Variants in ZNF613 observed in about 807,000 individuals in gnomAD.
The protein encoded by ZNF613 is zinc finger protein 613.
In ZNF613, 8 loss-of-function variants were observed where a neutral mutation model predicts 14.3. The ratio of observed to expected loss-of-function variants is 0.56; its 90% CI spans 0.33 to 1.01. The LOEUF is 1.01. ZNF613 is among the 50% of genes least tolerant of loss of function. The pLI is 0.03. For missense variants in ZNF613, 656 were observed against 741.9 expected (o/e 0.88, Z 1.35); for synonymous variants, 228 against 254.5 (o/e 0.90, Z 0.99).
In ZNF613 at chr19:51,944,896, A is replaced by G; in HGVS notation, c.1013A>G (p.His338Arg). 6.2e-7 allele frequency: 1 copy of G among 1,613,888 alleles called. No individual in the cohort carries two copies. The highest frequency in any genetic ancestry group is 8.5e-7 in the Non-Finnish European group (1 of 1,179,982). The change falls in exon 6 of 6, where the codon CAT (histidine) becomes CGT (arginine). Residue 338 changes from histidine to arginine, a missense_variant. Transcript: ENST00000293471. ...AGGCTCACTGAACACCAGAGAACTC[A>G]TACAGGAGAGAAACCCTATGAATGC... Reference protein sequence around the residue: ...RSRLTEHQRTHTGEKPYECTE... With the variant: ...RSRLTEHQRTRTGEKPYECTE...
intron 1 of ZNF613, chr19:51,928,088 A>G (rs1382638060): frequency 2.6e-5 from 4 of 151,586 alleles, no homozygotes; most frequent in Non-Finnish European, 5.9e-5. Flanking sequence ...TAATTTATCT[A>G]TCTAATCTAT....
Position 51,945,068 on chromosome 19 carries a change from T to A in ZNF613, c.1185T>A (p.Thr395=). 5 of 1,614,016 alleles carry A rather than the reference T, an allele frequency of 3.1e-6. No homozygotes were observed. Among genetic ancestry groups the A allele is most frequent in the Non-Finnish European group, 3.4e-6 (4 of 1,179,976 alleles). Residue 395 remains threonine, a synonymous_variant, in exon 6 of 6, where the codon ACT becomes ACA. Transcript: ENST00000293471. ...GNLIVHQRIH[T]GEKPYICNEC... Reference sequence around the variant, plus strand: ...TCATTGTACATCAGCGAATTCATACTGGAGAAAAACCCTATATATGCAATG... The same window carrying A: ...TCATTGTACATCAGCGAATTCATACAGGAGAAAAACCCTATATATGCAATG...
Position 51,944,866 on chromosome 19 carries a change from G to C in ZNF613, c.983G>C (p.Arg328Thr), listed in dbSNP as rs777209353. The C allele has an allele frequency of 1.3e-6, 2 of 1,593,924 alleles. No homozygotes were observed. The highest frequency in any genetic ancestry group is 1.1e-5 in the South Asian group (1 of 90,124). The change falls in exon 6 of 6, where the codon AGG (arginine) becomes ACG (threonine). Residue 328 changes from arginine to threonine, a missense_variant. Transcript: ENST00000293471. ...CSLCGKAFSK[R>T]SRLTEHQRTH... Reference sequence around the variant, plus strand: ...CTGTGTGGGAAGGCCTTCTCCAAAAGGTCCAGGCTCACTGAACACCAGAGA... The same window carrying C: ...CTGTGTGGGAAGGCCTTCTCCAAAACGTCCAGGCTCACTGAACACCAGAGA...
At chr19:51,937,298 G>A (rs749848169) in intron 3 of ZNF613, among the ~76,000 whole-genome samples, 1 of 152,218 alleles carries the variant, frequency 6.6e-6, no homozygotes, top group Non-Finnish European at 1.5e-5. Context: ...TGTCTGAAGT[G>A]AGGTTGGTCT....
At chr19:51,941,410 T>A (rs1382350566) in intron 5 of ZNF613, among the ~76,000 whole-genome samples, 1 of 152,212 alleles carries the variant, frequency 6.6e-6, no homozygotes, top group Non-Finnish European at 1.5e-5. Context: ...GTCTTGGATA[T>A]CAGCACTCTC....
Position 51,944,195 on chromosome 19 carries a change from TA to T in ZNF613, c.315del (p.Lys105AsnfsTer18). On this transcript the variant is annotated frameshift_variant, in exon 6 of 6. Transcript: ENST00000293471. LOFTEE classifies it low-confidence loss of function (END_TRUNC). Reference sequence around the variant, plus strand: ...GTCTGAAGAGAGTGGAACAATGCCATAAACATAATGCATTTGGAAACATCAT... The same window carrying T: ...GTCTGAAGAGAGTGGAACAATGCCATAACATAATGCATTTGGAAACATCAT... ...RCLKRVEQCH[K>X]HNAFGNIIHQ... 1 of 1,603,912 alleles carries T rather than the reference TA, an allele frequency of 6.2e-7. No homozygotes were observed. Among genetic ancestry groups the T allele is most frequent in the Non-Finnish European group, 8.5e-7 (1 of 1,174,276 alleles).
Position 51,944,627 on chromosome 19 carries a change from T to C in ZNF613, c.744T>C (p.Thr248=), listed in dbSNP as rs1398243529. 1 of 1,614,182 alleles carries C rather than the reference T, an allele frequency of 6.2e-7. No individual in the cohort carries two copies. Among genetic ancestry groups the C allele is most frequent in the Admixed American group, 1.7e-5 (1 of 60,024 alleles). The part of the protein sequence containing the change: ...GKAFSRKSGL[T]EHQRNHTGEK... ...CCTTCTCCAGAAAGTCCGGGCTCAC[T>C]GAACACCAGAGAAACCACACAGGAG... The change falls in exon 6 of 6, where the codon ACT becomes ACC. Residue 248 remains threonine (T), a synonymous_variant. Transcript: ENST00000293471.
intron 3 of ZNF613, among the ~76,000 whole-genome samples, chr19:51,938,130 G>C (rs1372934172): frequency 6.6e-6 from 1 of 152,164 alleles, no homozygotes; most frequent in Non-Finnish European, 1.5e-5. Context: ...AGAGGACACA[G>C]TTCAGGGGTC....
intron 5 of ZNF613, chr19:51,942,825 A>C (rs2085361751): frequency 6.6e-6 from 1 of 152,298 alleles, no homozygotes; most frequent in African/African-American, 2.4e-5. Context: ...CAGCCTCCCA[A>C]GTCGCTGGGA....
chr19:51,928,053 C>CT, intron 1 of ZNF613: 1 of 119,148 alleles, frequency 8.4e-6, no homozygotes, highest in East Asian at 2.2e-4. Flanking sequence ...CTAATCTAAT[C>CT]TATCTATCTA....
At chr19:51,941,401 T>G (rs1368734496) in intron 5 of ZNF613, among the ~76,000 whole-genome samples, 1 of 152,198 alleles carries the variant, frequency 6.6e-6, no homozygotes, top group Non-Finnish European at 1.5e-5. Context: ...CAAAGAGTGG[T>G]CTTGGATATC....
chr19:51,940,643 C>T lies in ZNF613; in HGVS notation c.169C>T (p.Leu57Phe), dbSNP rs1214394781. 34 of 1,613,492 alleles carry T rather than the reference C, an allele frequency of 2.1e-5. No individual in the cohort carries two copies. The highest frequency in any genetic ancestry group is 2.8e-5 in the Non-Finnish European group (33 of 1,179,688). ...GTATCAAGCCAGCAAACCAGATGCA[C>T]TCTTCAAGTTGGAACAAGGAGAGCC... ...VGYQASKPDA[L>F]FKLEQGEPWT... The change falls in exon 5 of 6, where the codon CTC (leucine) becomes TTC (phenylalanine). Residue 57 changes from leucine to phenylalanine, a missense_variant. Transcript: ENST00000293471.
intron 2 of ZNF613, among the ~76,000 whole-genome samples, chr19:51,935,048 C>T (rs901327077): frequency 1.3e-5 from 2 of 152,140 alleles, no homozygotes; most frequent in Non-Finnish European, 2.9e-5. Context: ...GCAGGAGGGC[C>T]ACCGGGAGCT....
chr19:51,937,589 G>A (rs1455336574), intron 3 of ZNF613, among the ~76,000 whole-genome samples: 1 of 152,046 alleles, frequency 6.6e-6, no homozygotes, highest in African/African-American at 2.4e-5. Context: ...GAGAGTCCTT[G>A]GTCACAGGAT....
At chr19:51,939,095 T>C (rs1052044944) in intron 3 of ZNF613, among the ~76,000 whole-genome samples, 13 of 151,908 alleles carry the variant, frequency 8.6e-5, no homozygotes, top group Admixed American at 1.3e-4. Context: ...AGACCTTACC[T>C]ATCCTCTGTA....
intron 3 of ZNF613, 76 bp from the exon 4 acceptor site, chr19:51,940,133 C>A: frequency 6.4e-7 from 1 of 1,556,244 alleles, no homozygotes; most frequent in South Asian, 1.1e-5. Context: ...TAAAAATGAG[C>A]AGAACAATGT....
chr19:51,928,430 G>A (rs2085235704), intron 1 of ZNF613, among the ~76,000 whole-genome samples: 1 of 152,126 alleles, frequency 6.6e-6, no homozygotes, highest in East Asian at 1.9e-4. Context: ...AGGTCCAACG[G>A]TACATTCCCT....
rs750974404 is a variant in ZNF613, at chr19:51,944,420, C to T, written c.537C>T (p.Pro179=). The T allele has an allele frequency of 1.3e-5, 21 of 1,606,998 alleles. No homozygotes were observed. The highest frequency in any genetic ancestry group is 2.2e-5 in the East Asian group (1 of 44,712). Residue 179 remains proline (P), a synonymous_variant, in exon 6 of 6, where the codon CCC becomes CCT. Coordinates refer to ENST00000293471, the MANE Select transcript of ZNF613 (RefSeq NM_001031721.4). ...AATTTCATAATGAAATGAACTTCCCCGAAGGTGGAAATTCTGTGAATACAA... is the reference window on the plus strand; with the variant it reads ...AATTTCATAATGAAATGAACTTCCCTGAAGGTGGAAATTCTGTGAATACAA... ...HEQFHNEMNF[P]EGGNSVNTNS...
chr19:51,938,725 GATATATATATATAT>G (rs113608259), intron 3 of ZNF613, among the ~76,000 whole-genome samples: 2 of 118,900 alleles, frequency 1.7e-5, no homozygotes, highest in East Asian at 2.2e-4. Context: ...AATGTACATG[GATATATATATATAT>G]ATATATATAT....
Sources: gnomAD v4.1 joint callset for allele counts (sites outside exome capture counted in the v4.1 genomes callset) on GRCh38, gnomAD v4.1.1 for gene constraint, MANE v1.5 for transcripts, NCBI Gene and HGNC (gene_info 2026-07-23, HGNC 2026-07-21) for gene names.